PER1: variants seen among roughly 807,000 people sequenced by gnomAD.
PER1 encodes period circadian protein homolog 1.
PER1 carries 87 observed loss-of-function variants against 125.9 expected under a neutral mutation model. The ratio of observed to expected loss-of-function variants is 0.69; its 90% CI spans 0.58 to 0.83. PER1 has a LOEUF of 0.83. PER1 is among the 40% of genes least tolerant of loss of function. The pLI, the probability that PER1 is intolerant of heterozygous loss-of-function variation, is 0.00. For synonymous variants in PER1, 801 were observed against 714.7 expected (o/e 1.12, Z -1.93); for missense variants, 1,775 against 1,722.8 (o/e 1.03, Z -0.54).
chr17:8,146,331 C>A, intron 16 of PER1, 41 bp downstream of exon 16: 8 of 1,567,696 alleles, frequency 5.1e-6, no homozygotes, highest in Non-Finnish European at 6.9e-6. Flanking sequence ...GGCCACCAGG[C>A]CAGGACGGGG....
chr17:8,150,290 G>A lies in PER1; in HGVS notation c.303C>T (p.Pro101=). ...GGAGGCTGTAGGCAATGGAACTGCT[G>A]GGTGGGGATGGGCTCTGAGAGTTTG... The part of the protein sequence containing the change: ...KSTNSQSPSP[P]SSSIAYSLLS... Residue 101 remains proline, a synonymous_variant, in exon 3 of 23, where the codon CCC becomes CCT. Coordinates refer to ENST00000317276, the MANE Select transcript of PER1 (RefSeq NM_002616.3). 6.4e-7 allele frequency: 1 copy of A among 1,559,900 alleles called. No individual in the cohort carries two copies. Among genetic ancestry groups the A allele is most frequent in the Non-Finnish European group, 8.7e-7 (1 of 1,149,640 alleles).
At chr17:8,145,108 C>G (rs1982348510) in intron 17 of PER1, 115 bp from the exon 18 acceptor site, 3 of 1,151,632 alleles carry the variant, frequency 2.6e-6, no homozygotes, top group Non-Finnish European at 2.3e-6. Context: ...TGCCCCACAG[C>G]CAAGCCTGGT....
chr17:8,144,298 T>C (rs1028294876), intron 18 of PER1: 20 of 406,954 alleles, frequency 4.9e-5, no homozygotes, highest in African/African-American at 3.3e-4. Context: ...AGAGTGGGGC[T>C]GGAAAGCCCA....
intron 19 of PER1, among the ~76,000 whole-genome samples, 193 bp downstream of exon 19, chr17:8,143,073 T>G (rs1982182171): frequency 6.6e-6 from 1 of 152,216 alleles, no homozygotes. Context: ...CCTCACCACC[T>G]GTCAGACAGA....
At position 8,147,399 on chromosome 17, in the gene PER1, C is replaced by G; in HGVS notation, c.1498-18G>C. The G allele has an allele frequency of 6.2e-7, 1 of 1,613,492 alleles. No individual in the cohort carries two copies. The highest frequency in any genetic ancestry group is 8.5e-7 in the Non-Finnish European group (1 of 1,179,758). The stretch of plus-strand genomic sequence containing the variant: ...TGGACGGGCTGCAGCAGGGAGAGGG[C>G]AGGTTAGATGGCTTGACCCGGCTTC... On this transcript the variant is annotated intron_variant, in intron 12 of 22. Coordinates refer to ENST00000317276, the MANE Select transcript of PER1 (RefSeq NM_002616.3).
In PER1 at chr17:8,143,815, G is replaced by A; in HGVS notation, c.2523C>T (p.Arg841=). ...CCCGAGGGTTCTGGTGGTGGCGTGA[G>A]CGCTTGGCTTTGGATCGGCAGTGGT... The part of the protein sequence containing the change: ...RRHHCRSKAK[R]SRHHQNPRAE... Residue 841 remains arginine, a synonymous_variant, in exon 19 of 23, where the codon CGC becomes CGT. Transcript: ENST00000317276. The A allele has an allele frequency of 6.2e-7, 1 of 1,612,870 alleles. No homozygotes were observed. The highest frequency in any genetic ancestry group is 1.1e-5 in the South Asian group (1 of 90,996).
At position 8,143,937 on chromosome 17, in the gene PER1, A is replaced by C. The variant is rs1982262870; in HGVS notation, c.2462-61T>G. 25 of 1,539,592 alleles carry C rather than the reference A, an allele frequency of 1.6e-5. No homozygotes were observed. The South Asian group carries it at 2.8e-4, about 17-fold the overall frequency. On this transcript the variant is annotated intron_variant, in intron 18 of 22. Transcript: ENST00000317276. ...CCTGGGGTTAGTACCCCTGCTACCCACACTGCCCTGACACGCTGACCAGGG... is the reference window on the plus strand; with the variant it reads ...CCTGGGGTTAGTACCCCTGCTACCCCCACTGCCCTGACACGCTGACCAGGG...
chr17:8,146,887 A>G lies in PER1; in HGVS notation c.1735+10T>C. On this transcript the variant is annotated intron_variant, in intron 14 of 22. Coordinates refer to ENST00000317276, the MANE Select transcript of PER1 (RefSeq NM_002616.3). ...TCTGTCTCTTCACCCACACATCATC[A>G]TCAACTCACCAGGGAGGCGGGGCCG... is the stretch of plus-strand genomic sequence containing the variant. The G allele has an allele frequency of 6.2e-7, 1 of 1,613,208 alleles. No individual in the cohort carries two copies. The highest frequency in any genetic ancestry group is 8.5e-7 in the Non-Finnish European group (1 of 1,179,432).
rs1225829752 is a variant in PER1, at chr17:8,140,571, C to T, written c.*497G>A. 1 of 235,022 alleles carries T rather than the reference C, an allele frequency of 4.3e-6. No homozygotes were observed. The highest frequency in any genetic ancestry group is 8.4e-6 in the Non-Finnish European group (1 of 118,972). The allele number at this position is 235,022 out of a possible 1,614,324, so 14.6% of individuals were successfully genotyped here. On this transcript the variant is annotated 3_prime_UTR_variant, in exon 23 of 23. Transcript: ENST00000317276. ...GGTACAGCTGAGAACGCCTGGGTCCCACCTGAGGGGCAGCACCAGGGACTC... is the reference window on the plus strand; with the variant it reads ...GGTACAGCTGAGAACGCCTGGGTCCTACCTGAGGGGCAGCACCAGGGACTC...
rs1982562013 is a variant in PER1, at chr17:8,147,915, G to A, written c.1234+82C>T. The A allele has an allele frequency of 3.2e-6, 5 of 1,585,206 alleles. No individual in the cohort carries two copies. The African/African-American group carries it at 4.0e-5, about 13-fold the overall frequency. ...TGCCACTAGAGATCCAGGAGACCAA[G>A]GCACCAAGAGACACAACCACAAGGG... On this transcript the variant is annotated intron_variant, in intron 10 of 22. Coordinates refer to ENST00000317276, the MANE Select transcript of PER1 (RefSeq NM_002616.3).
At position 8,150,674 on chromosome 17, in the gene PER1, T is replaced by TTTTAATGATACGG; in HGVS notation, c.32_33insCCGTATCATTAAA (p.Gly12ArgfsTer37). ...ATGATTCCCCAGGCCTGGGGTCCCC[T>TTTTAATGATACGG]CCCCCATCAGCCCCTTCTAGGGGGC... is the stretch of plus-strand genomic sequence containing the variant. On this transcript the variant is annotated frameshift_variant, in exon 2 of 23. Transcript: ENST00000317276. LOFTEE classifies it high-confidence loss of function. The TTTTAATGATACGG allele has an allele frequency of 6.3e-7, 1 of 1,585,180 alleles. No homozygotes were observed. The highest frequency in any genetic ancestry group is 8.6e-7 in the Non-Finnish European group (1 of 1,167,894).
chr17:8,150,520 T>C lies in PER1; in HGVS notation c.187A>G (p.Arg63Gly). 1.2e-6 allele frequency: 2 copies of C among 1,614,206 alleles called. No individual in the cohort carries two copies. Among genetic ancestry groups the C allele is most frequent in the Non-Finnish European group, 1.7e-6 (2 of 1,180,028 alleles). Residue 63 changes from arginine (R) to glycine (G), a missense_variant, in exon 2 of 23, where the codon AGA (arginine) becomes GGA (glycine). Arg to Gly is a moderately radical substitution (Grantham distance 125). Coordinates refer to ENST00000317276, the MANE Select transcript of PER1 (RefSeq NM_002616.3). The part of the protein sequence containing the change: ...SGNESNGHES[R>G]GASQRSSHSS... ...TGTGAGCTCCGCTGAGATGCGCCTCTAGACTCATGCCCGTTGGACTCATTG... is the reference window on the plus strand; with the variant it reads ...TGTGAGCTCCGCTGAGATGCGCCTCCAGACTCATGCCCGTTGGACTCATTG...
At position 8,146,483 on chromosome 17, in the gene PER1, G is replaced by C. The variant is rs1982447858; in HGVS notation, c.1927C>G (p.Leu643Val). The part of the protein sequence containing the change: ...SILRYLESCN[L>V]PSTTKRKCAS... ...CATTTACGCTTAGTGGTGCTGGGGAGGTTGCAGCTCTCCAGGTACCTGGGG... is the reference window on the plus strand; with the variant it reads ...CATTTACGCTTAGTGGTGCTGGGGACGTTGCAGCTCTCCAGGTACCTGGGG... Residue 643 changes from leucine (L) to valine (V), a missense_variant, in exon 16 of 23, where the codon CTC (leucine) becomes GTC (valine). Physicochemically the swap from Leu to Val is conservative, Grantham distance 32 (BLOSUM62 1). Transcript: ENST00000317276. 6.2e-7 allele frequency: 1 copy of C among 1,613,320 alleles called. No homozygotes were observed. The highest frequency in any genetic ancestry group is 1.1e-5 in the South Asian group (1 of 90,954).
At chr17:8,142,186 G>T (rs1982121295) in intron 21 of PER1, 83 bp downstream of exon 21, 7 of 1,222,848 alleles carry the variant, frequency 5.7e-6, no homozygotes, top group Admixed American at 2.5e-5. Flanking sequence ...ATCCTATCCA[G>T]GGCAGAGCCA....
rs368511115 is a variant in PER1 at position 8,144,735 on chromosome 17, G to A, written c.2461+16C>T. On this transcript the variant is annotated intron_variant, in intron 18 of 22. Coordinates refer to ENST00000317276, the MANE Select transcript of PER1 (RefSeq NM_002616.3). Reference sequence around the variant, plus strand: ...ACTGGGCAGAGGGCAGGCTCCAGGAGGCCCCAGGTGGCTACCTCGCTCGCC... The same window carrying A: ...ACTGGGCAGAGGGCAGGCTCCAGGAAGCCCCAGGTGGCTACCTCGCTCGCC... 62 of 1,555,244 alleles carry A rather than the reference G, an allele frequency of 4.0e-5. No individual in the cohort carries two copies. In the African/African-American group the frequency reaches 7.9e-4, roughly 20 times the overall value.
At position 8,146,983 on chromosome 17, in the gene PER1, C is replaced by T. The variant is rs751156423; in HGVS notation, c.1649G>A (p.Cys550Tyr). ...PPAPVTFQQI[C>Y]KDVHLVKHQG... ...GTGCTTCACCAGATGCACATCCTTA[C>T]AGATCTGCTGGAAAGTCACCTGTGG... Residue 550 changes from cysteine to tyrosine, a missense_variant, in exon 14 of 23, where the codon TGT (cysteine) becomes TAT (tyrosine). Coordinates refer to ENST00000317276, the MANE Select transcript of PER1 (RefSeq NM_002616.3). 15 of 1,613,976 alleles carry T rather than the reference C, an allele frequency of 9.3e-6. No individual in the cohort carries two copies. In the South Asian group the frequency reaches 1.6e-4, roughly 18 times the overall value.
intron 3 of PER1, 23 bp from the exon 4 acceptor site, chr17:8,150,148 A>G: frequency 3.1e-6 from 5 of 1,612,472 alleles, no homozygotes; most frequent in Middle Eastern, 1.7e-4. Context: ...CAGGGAAGAA[A>G]GAGATAAAGA....
At position 8,150,677 on chromosome 17, in the gene PER1, C is replaced by A; in HGVS notation, c.30G>T (p.Gly10=). ...ATTCCCCAGGCCTGGGGTCCCCTCC[C>A]CCATCAGCCCCTTCTAGGGGGCCAC... The part of the protein sequence containing the change: MSGPLEGAD[G]GGDPRPGESF... The change falls in exon 2 of 23, where the codon GGG becomes GGT. Residue 10 remains glycine (G), a synonymous_variant. Transcript: ENST00000317276. 2 of 1,581,838 alleles carry A rather than the reference C, an allele frequency of 1.3e-6. No individual in the cohort carries two copies. The highest frequency in any genetic ancestry group is 1.1e-5 in the South Asian group (1 of 87,160).
chr17:8,147,852 C>T (rs775995013), intron 10 of PER1, 25 bp from the exon 11 acceptor site: 10 of 1,612,614 alleles, frequency 6.2e-6, no homozygotes, highest in South Asian at 5.5e-5. Context: ...AAAGGAGGAG[C>T]GGTCAAAGGG....
Sources: allele counts gnomAD v4.1 joint callset (sites outside exome capture counted in the v4.1 genomes callset), GRCh38; gene constraint gnomAD v4.1.1; transcripts MANE v1.5; gene names NCBI Gene and HGNC (gene_info 2026-07-23, HGNC 2026-07-21).